Variants in EFCC1 observed in about 807,000 individuals in gnomAD.
The protein encoded by EFCC1 is EF-hand and coiled-coil domain containing 1, also known as EF-hand and coiled-coil domain-containing protein 1.
Under a neutral mutation model 52.1 loss-of-function variants are expected in EFCC1, and 50 were observed. The ratio of observed to expected loss-of-function variants is 0.96; its 90% CI spans 0.76 to 1.21. The LOEUF (loss-of-function observed/expected upper bound fraction) is 1.21. Ranked by LOEUF, EFCC1 falls within the 50% of genes most tolerant of loss-of-function variation. The probability of loss-of-function intolerance (pLI) is 0.00; values close to 1 mark genes in which losing one functional copy is unlikely to be tolerated. For synonymous variants in EFCC1, 399 were observed against 396.5 expected (o/e 1.01, Z -0.08); for missense variants, 837 against 867.3 (o/e 0.97, Z 0.44).
In EFCC1 at chr3:129,039,830, C is replaced by T. The variant is rs147108021; in HGVS notation, c.1782C>T (p.Pro594=). The T allele has an allele frequency of 6.2e-7, 1 of 1,608,808 alleles. No homozygotes were observed. The highest frequency in any genetic ancestry group is 1.3e-5 in the African/African-American group (1 of 74,820). ...CTGCAGCAGCTGCGCTCACCAACCCCCTCCTCGTCTCCTGCTGAGGTTACT... is the reference window on the plus strand; with the variant it reads ...CTGCAGCAGCTGCGCTCACCAACCCTCTCCTCGTCTCCTGCTGAGGTTACT... The part of the protein sequence containing the change: ...PASAAAALTN[P]LLVSC Residue 594 remains proline (P), a synonymous_variant, in exon 8 of 8, where the codon CCC becomes CCT. Transcript: ENST00000683648.
intron 5 of EFCC1, among the ~76,000 whole-genome samples, chr3:129,035,358 G>A (rs1360828718): frequency 6.6e-6 from 1 of 152,206 alleles, no homozygotes; most frequent in African/African-American, 2.4e-5. Flanking sequence ...GCTGGGCTGG[G>A]AGCCCATGCC....
In EFCC1 at chr3:129,014,374, A is replaced by G. The variant is rs2107890616; in HGVS notation, c.980+10297A>G. ...TCTCCCACAGCTGTGGAGGCTGACCAGAGTGCGGTGTCGCAGCGTTGGCTT... is the reference window on the plus strand; with the variant it reads ...TCTCCCACAGCTGTGGAGGCTGACCGGAGTGCGGTGTCGCAGCGTTGGCTT... On this transcript the variant is annotated intron_variant, in intron 2 of 7. Transcript: ENST00000683648. This position sits in a 1 kb window ranked among gnomAD's most constrained non-coding sequence, Gnocchi z 4.3. Among the ~76,000 whole-genome samples, 1 of 152,348 alleles carries G rather than the reference A, an allele frequency of 6.6e-6. No homozygotes were observed. The highest frequency in any genetic ancestry group is 6.5e-5 in the Admixed American group (1 of 15,310).
intron 2 of EFCC1, among the ~76,000 whole-genome samples, chr3:129,027,328 C>G (rs896127706): frequency 3.9e-5 from 6 of 152,158 alleles, no homozygotes; most frequent in Non-Finnish European, 7.4e-5. Flanking sequence ...GGCCCCGGCG[C>G]CCGTGCCCCG....
chr3:129,016,809 G>A (rs1231357437), intron 2 of EFCC1, among the ~76,000 whole-genome samples: 2 of 152,180 alleles, frequency 1.3e-5, no homozygotes, highest in African/African-American at 4.8e-5. Flanking sequence ...ACTGCACTAA[G>A]GACTTTATCT....
In EFCC1 at chr3:129,038,908, A is replaced by G; in HGVS notation, c.1663+8A>G. 6.2e-7 allele frequency: 1 copy of G among 1,613,514 alleles called. No individual in the cohort carries two copies. Among genetic ancestry groups the G allele is most frequent in the Non-Finnish European group, 8.5e-7 (1 of 1,179,792 alleles). ...TCAGGGACCCCACCCACGGTAGGAGAGCACCCTAGTCTCTCAGAGCCCACG... is the reference window on the plus strand; with the variant it reads ...TCAGGGACCCCACCCACGGTAGGAGGGCACCCTAGTCTCTCAGAGCCCACG... On this transcript the variant is annotated splice_region_variant and intron_variant, in intron 7 of 7. Coordinates refer to ENST00000683648, the MANE Select transcript of EFCC1 (RefSeq NM_001377500.1).
At chr3:129,016,430 G>A (rs1945585176) in intron 2 of EFCC1, among the ~76,000 whole-genome samples, 1 of 151,936 alleles carries the variant, frequency 6.6e-6, no homozygotes, top group South Asian at 2.1e-4. Flanking sequence ...GTGTGATTGT[G>A]GGGGCTGGCT....
chr3:129,039,750 C>T lies in EFCC1; in HGVS notation c.1702C>T (p.His568Tyr), dbSNP rs983495455. The T allele has an allele frequency of 5.0e-6, 8 of 1,611,964 alleles. No homozygotes were observed. Among genetic ancestry groups the T allele is most frequent in the African/African-American group, 1.3e-5 (1 of 74,858 alleles). Residue 568 changes from histidine to tyrosine, a missense_variant, in exon 8 of 8, where the codon CAC (histidine) becomes TAC (tyrosine). His to Tyr is a moderately conservative substitution (Grantham distance 83). Transcript: ENST00000683648. Reference protein sequence around the residue: ...PSPAAILDALHQALAACQLLR... With the variant: ...PSPAAILDALYQALAACQLLR... ...CCCTGCAGCCATCCTGGATGCCCTGCACCAAGCCTTGGCTGCCTGCCAGCT... is the reference window on the plus strand; with the variant it reads ...CCCTGCAGCCATCCTGGATGCCCTGTACCAAGCCTTGGCTGCCTGCCAGCT...
At chr3:129,015,764 C>G (rs1049765903) in intron 2 of EFCC1, among the ~76,000 whole-genome samples, 4 of 151,768 alleles carry the variant, frequency 2.6e-5, no homozygotes, top group African/African-American at 9.7e-5. Context: ...TCCGCCCTTC[C>G]TCTGCTGCAT....
At position 129,001,578 on chromosome 3, in the gene EFCC1, G is replaced by T. The variant is rs1447835461; in HGVS notation, c.-51G>T. ...TCTGGGGCCGCCCCTGGAAGTGGCG[G>T]GGCGAAGGGACCGGAGGAGGGACCG... On this transcript the variant is annotated 5_prime_UTR_variant, in exon 1 of 8. Transcript: ENST00000683648. 4 of 1,346,974 alleles carry T rather than the reference G, an allele frequency of 3.0e-6. No homozygotes were observed. The highest frequency in any genetic ancestry group is 3.8e-6 in the Non-Finnish European group (4 of 1,055,424). The allele number at this position is 1,346,974 out of a possible 1,614,324, so 83.4% of individuals were successfully genotyped here.
Position 129,036,969 on chromosome 3 carries a change from CT to C in EFCC1, c.1453-6del. On this transcript the variant is annotated splice_region_variant and splice_polypyrimidine_tract_variant and intron_variant, in intron 5 of 7. Transcript: ENST00000683648. The stretch of plus-strand genomic sequence containing the variant: ...GCAAAGTGAGCACTGAGCCCCTTCT[CT>C]TCCCAGGCAGAGTTGCAGCAGAAGG... 1 of 1,613,870 alleles carries C rather than the reference CT, an allele frequency of 6.2e-7. No individual in the cohort carries two copies. The highest frequency in any genetic ancestry group is 8.5e-7 in the Non-Finnish European group (1 of 1,180,006).
At position 129,010,763 on chromosome 3, in the gene EFCC1, G is replaced by T. The variant is rs1945290098; in HGVS notation, c.980+6686G>T. On this transcript the variant is annotated intron_variant, in intron 2 of 7. Coordinates refer to ENST00000683648, the MANE Select transcript of EFCC1 (RefSeq NM_001377500.1). The surrounding 1 kb of genome is among the most constrained non-coding windows in gnomAD (Gnocchi z 4.3). ...CTCGGATTCCATCGTCCTTGGAGGT[G>T]GGTGTGTGGGTGGCCTTGGTGAGAA... Among the ~76,000 whole-genome samples the T allele has an allele frequency of 1.3e-5, 2 of 152,186 alleles. No individual in the cohort carries two copies. Among genetic ancestry groups the T allele is most frequent in the Admixed American group, 1.3e-4 (2 of 15,280 alleles).
chr3:129,024,213 C>T (rs1945996189), intron 2 of EFCC1, among the ~76,000 whole-genome samples: 1 of 152,110 alleles, frequency 6.6e-6, no homozygotes, highest in Non-Finnish European at 1.5e-5. Context: ...AACAGAATAC[C>T]ACAGACTGGG....
intron 5 of EFCC1, among the ~76,000 whole-genome samples, chr3:129,036,475 C>G (rs955420181): frequency 6.6e-6 from 1 of 152,272 alleles, no homozygotes; most frequent in African/African-American, 2.4e-5. Flanking sequence ...TAGGTGGCCC[C>G]CTGGCCAAGA....
At position 129,010,323 on chromosome 3, in the gene EFCC1, G is replaced by A. The variant is rs1945263417; in HGVS notation, c.980+6246G>A. On this transcript the variant is annotated intron_variant, in intron 2 of 7. Coordinates refer to ENST00000683648, the MANE Select transcript of EFCC1 (RefSeq NM_001377500.1). The surrounding 1 kb of genome is among the most constrained non-coding windows in gnomAD (Gnocchi z 4.3). ...CAAGGAGCAGCTGAGTCCCCTTGAT[G>A]GGGCCTTCAGGACACCGGGGCAGGG... Among the ~76,000 whole-genome samples the A allele has an allele frequency of 6.6e-6, 1 of 152,218 alleles. No homozygotes were observed. The highest frequency in any genetic ancestry group is 2.1e-4 in the South Asian group (1 of 4,832).
At chr3:129,019,860 C>CAG (rs1945757187) in intron 2 of EFCC1, among the ~76,000 whole-genome samples, 1 of 150,774 alleles carries the variant, frequency 6.6e-6, no homozygotes, top group Non-Finnish European at 1.5e-5. Flanking sequence ...CCTCCACCTC[C>CAG]CAGATTCAAG....
chr3:129,038,135 G>A (rs528804648), intron 6 of EFCC1, among the ~76,000 whole-genome samples: 1 of 152,294 alleles, frequency 6.6e-6, no homozygotes, highest in African/African-American at 2.4e-5. Context: ...TTCATGTGAA[G>A]CAGAGGTTCC....
At chr3:129,027,604 G>A (rs891525244) in intron 2 of EFCC1, among the ~76,000 whole-genome samples, 2 of 152,174 alleles carry the variant, frequency 1.3e-5, no homozygotes, top group African/African-American at 4.8e-5. Context: ...GGGTCTTTGT[G>A]TTCCAATAAT....
At chr3:129,016,550 C>T (rs1241273804) in intron 2 of EFCC1, among the ~76,000 whole-genome samples, 2 of 151,684 alleles carry the variant, frequency 1.3e-5, no homozygotes, top group Non-Finnish European at 2.9e-5. Flanking sequence ...GTGAGCTCCA[C>T]CTGCCTGCCA....
At chr3:129,031,744 G>A (rs915442826) in intron 3 of EFCC1, among the ~76,000 whole-genome samples, 1 of 152,194 alleles carries the variant, frequency 6.6e-6, no homozygotes, top group African/African-American at 2.4e-5. Context: ...TTCACAGCAG[G>A]CACTCCCCTC....
Sources: allele counts gnomAD v4.1 joint callset (sites outside exome capture counted in the v4.1 genomes callset), GRCh38; gene constraint gnomAD v4.1.1; non-coding constraint Gnocchi (gnomAD v3.1); transcripts MANE v1.5; gene names NCBI Gene and HGNC (gene_info 2026-07-23, HGNC 2026-07-21).